The following CSMD1 variants were observed in gnomAD, a reference collection of about 807,000 sequenced individuals.
The protein encoded by CSMD1 is CUB and sushi domain-containing protein 1.
Under a neutral mutation model 417.5 loss-of-function variants are expected in CSMD1, and 213 were observed. That is an observed-to-expected ratio of 0.51 (90% confidence interval 0.46 to 0.57). The LOEUF (loss-of-function observed/expected upper bound fraction) is 0.57, where lower values mean the gene tolerates loss of function less well. Ranked by LOEUF, CSMD1 falls within the 20% of genes least tolerant of loss-of-function variation. CSMD1 has a pLI of 0.00. For missense variants in CSMD1, 6,923 were observed against 4,529.7 expected, an observed-to-expected ratio of 1.53 and a Z score of -15.17; for synonymous variants, 2,862 against 1,736.8, an observed-to-expected ratio of 1.65 and a Z score of -16.11.
chr8:3,145,194 C>A (rs555930101), intron 40 of CSMD1, among the ~76,000 whole-genome samples: 5 of 151,988 alleles, frequency 3.3e-5, no homozygotes, highest in African/African-American at 1.2e-4. Flanking sequence ...GAAGCTGACC[C>A]GAGAGTAACA....
intron 5 of CSMD1, among the ~76,000 whole-genome samples, chr8:3,789,390 GTTTTT>G (rs67068655): frequency 7.3e-6 from 1 of 136,542 alleles, no homozygotes; most frequent in Non-Finnish European, 1.5e-5. Context: ...TTTAAGTAGT[GTTTTT>G]TTTTTTAAGT....
chr8:4,767,006 T>A (rs1049032101), intron 1 of CSMD1, among the ~76,000 whole-genome samples: 3 of 152,362 alleles, frequency 2.0e-5, no homozygotes, highest in African/African-American at 7.2e-5. Context: ...CTTGTCTTCT[T>A]GGAAAAATGT....
At chr8:3,481,948 C>A (rs1243247975) in intron 11 of CSMD1, among the ~76,000 whole-genome samples, 1 of 152,242 alleles carries the variant, frequency 6.6e-6, no homozygotes, top group Non-Finnish European at 1.5e-5. Flanking sequence ...TCTATAGTAA[C>A]AGTAGGAAAT....
At chr8:3,782,929 C>T (rs879486222) in intron 5 of CSMD1, among the ~76,000 whole-genome samples, 2 of 152,160 alleles carry the variant, frequency 1.3e-5, no homozygotes, top group Non-Finnish European at 2.9e-5. Context: ...GTTAAAAATA[C>T]ATGGCAAGAG....
At chr8:3,575,136 G>C in intron 9 of CSMD1, 70 bp from the exon 10 acceptor site, 1 of 1,468,124 alleles carries the variant, frequency 6.8e-7, no homozygotes, top group Non-Finnish European at 9.2e-7. Flanking sequence ...TAACATTTAT[G>C]GGAAATTTCA....
At chr8:3,460,596 G>C (rs994626991) in intron 12 of CSMD1, among the ~76,000 whole-genome samples, 1 of 152,124 alleles carries the variant, frequency 6.6e-6, no homozygotes, top group African/African-American at 2.4e-5. Flanking sequence ...AGCCGACTAA[G>C]GGTAAGAGAA....
At chr8:4,065,217 G>C (rs541291766) in intron 3 of CSMD1, among the ~76,000 whole-genome samples, 12 of 152,084 alleles carry the variant, frequency 7.9e-5, no homozygotes, top group South Asian at 4.1e-4. Flanking sequence ...AAAGAAAATA[G>C]TCCTAAACAC....
At chr8:4,236,564 A>C (rs745345203) in intron 3 of CSMD1, among the ~76,000 whole-genome samples, 2 of 152,222 alleles carry the variant, frequency 1.3e-5, no homozygotes, top group Non-Finnish European at 2.9e-5. Flanking sequence ...AACGTGATAG[A>C]AAGTTTTCAA....
intron 18 of CSMD1, among the ~76,000 whole-genome samples, chr8:3,386,884 A>T (rs1202189270): frequency 6.6e-6 from 1 of 152,230 alleles, no homozygotes; most frequent in African/African-American, 2.4e-5. Flanking sequence ...AACTGTTATT[A>T]TAACTACACA....
intron 3 of CSMD1, among the ~76,000 whole-genome samples, chr8:4,216,004 CCA>C (rs1214494014): frequency 1.3e-5 from 2 of 152,168 alleles, no homozygotes; most frequent in African/African-American, 4.8e-5. Context: ...CCCATTTCAG[CCA>C]CAAATAGCCA....
intron 10 of CSMD1, among the ~76,000 whole-genome samples, chr8:3,566,502 G>A (rs1047868209): frequency 2.0e-5 from 3 of 151,530 alleles, no homozygotes; most frequent in East Asian, 1.9e-4. Context: ...CTGTCAGTGT[G>A]CTCAGCCCCG....
intron 3 of CSMD1, among the ~76,000 whole-genome samples, chr8:4,414,550 T>C (rs1249929766): frequency 1.3e-5 from 2 of 152,210 alleles, no homozygotes; most frequent in African/African-American, 4.8e-5. Context: ...TAAACTACGA[T>C]CCATACTATA....
chr8:3,107,462 T>C (rs930971344), intron 45 of CSMD1, among the ~76,000 whole-genome samples: 1 of 152,034 alleles, frequency 6.6e-6, no homozygotes, highest in African/African-American at 2.4e-5. Context: ...AGGAAAAAAA[T>C]GTTCAAACTG....
chr8:4,601,170 G>C (rs1214745154), intron 2 of CSMD1, among the ~76,000 whole-genome samples: 1 of 152,112 alleles, frequency 6.6e-6, no homozygotes, highest in Non-Finnish European at 1.5e-5. Context: ...GGTCAGGCTG[G>C]TCTCGAACTC....
intron 5 of CSMD1, among the ~76,000 whole-genome samples, chr8:3,962,130 T>A (rs991845956): frequency 1.3e-5 from 2 of 152,132 alleles, no homozygotes; most frequent in Non-Finnish European, 2.9e-5. Context: ...TCTTTCTGTG[T>A]CCAGCCCACA....
chr8:3,274,169 C>G (rs552374574), intron 26 of CSMD1, among the ~76,000 whole-genome samples: 1 of 151,452 alleles, frequency 6.6e-6, no homozygotes, highest in Non-Finnish European at 1.5e-5. Flanking sequence ...TTATTTCTGC[C>G]TTCATTTCGT....
intron 1 of CSMD1, among the ~76,000 whole-genome samples, chr8:4,668,161 T>G (rs1805057672): frequency 6.6e-6 from 1 of 152,144 alleles, no homozygotes. Context: ...TTTAATCAAC[T>G]GCACTGCCAT....
At chr8:3,936,984 A>T (rs574627118) in intron 5 of CSMD1, among the ~76,000 whole-genome samples, 2 of 152,154 alleles carry the variant, frequency 1.3e-5, no homozygotes, top group Non-Finnish European at 2.9e-5. Context: ...AGTTGATTTC[A>T]ATCCTCGTGA....
intron 5 of CSMD1, among the ~76,000 whole-genome samples, chr8:3,945,178 C>CAAAAAAAAAAAAA (rs138900503): frequency 9.2e-5 from 11 of 118,920 alleles, no homozygotes; most frequent in Admixed American, 1.8e-4. Flanking sequence ...ATGAGAAAGA[C>CAAAAAAAAAAAAA]AAAAAAAAAA....
Sources: gnomAD v4.1 joint callset for allele counts (sites outside exome capture counted in the v4.1 genomes callset) on GRCh38, gnomAD v4.1.1 for gene constraint, MANE v1.5 for transcripts, NCBI Gene and HGNC (gene_info 2026-07-23, HGNC 2026-07-21) for gene names.